Variants in TTC7B observed in about 807,000 individuals in gnomAD.
TTC7B encodes the protein tetratricopeptide repeat protein 7B.
In TTC7B, 28 loss-of-function variants were observed where a neutral mutation model predicts 106.8. That is an observed-to-expected ratio of 0.26 (90% CI 0.19 to 0.36). The LOEUF is 0.36. Among genes scored for constraint, TTC7B ranks in the 10% least tolerant of loss-of-function variants. The pLI, the probability that TTC7B is intolerant of heterozygous loss-of-function variation, is 1.00. For missense variants in TTC7B, 862 were observed against 1,076.4 expected, an observed-to-expected ratio of 0.80 and a Z score of 2.79; for synonymous variants, 405 against 430.6, an observed-to-expected ratio of 0.94 and a Z score of 0.74.
intron 15 of TTC7B, among the ~76,000 whole-genome samples, chr14:90,634,673 G>A (rs528622148): frequency 6.6e-6 from 1 of 152,192 alleles, no homozygotes; most frequent in South Asian, 2.1e-4. Context: ...TCGGGCGGTC[G>A]AGGCACAAGA....
At chr14:90,707,496 A>T (rs370747921) in intron 5 of TTC7B, among the ~76,000 whole-genome samples, 2 of 152,280 alleles carry the variant, frequency 1.3e-5, no homozygotes, top group East Asian at 3.8e-4. Context: ...CCAAAAGCCA[A>T]GATGGGCTGA....
chr14:90,631,993 G>T (rs533251902), intron 15 of TTC7B, among the ~76,000 whole-genome samples: 10 of 152,082 alleles, frequency 6.6e-5, no homozygotes, highest in African/African-American at 2.4e-4. Context: ...TTTTGTTAGG[G>T]TTGTGGAAAG....
chr14:90,548,251 G>T (rs1219034337), intron 19 of TTC7B, among the ~76,000 whole-genome samples: 2 of 152,236 alleles, frequency 1.3e-5, no homozygotes, highest in African/African-American at 2.4e-5. Flanking sequence ...CCACTCCAGG[G>T]CCACTGATGG....
At chr14:90,654,697 C>T (rs1207694245) in intron 12 of TTC7B, among the ~76,000 whole-genome samples, 1 of 152,162 alleles carries the variant, frequency 6.6e-6, no homozygotes, top group Non-Finnish European at 1.5e-5. Flanking sequence ...AGGTGCAAGG[C>T]TAGGTGGATG....
chr14:90,544,035 A>AG (rs1347435596), intron 19 of TTC7B, among the ~76,000 whole-genome samples: 8 of 152,222 alleles, frequency 5.3e-5, no homozygotes, highest in African/African-American at 1.9e-4. Flanking sequence ...TTGGGGTGAC[A>AG]GCCAAGGAGA....
At chr14:90,584,075 T>C (rs905328925) in intron 18 of TTC7B, among the ~76,000 whole-genome samples, 8 of 152,154 alleles carry the variant, frequency 5.3e-5, no homozygotes, top group African/African-American at 1.9e-4. Flanking sequence ...CCTGTCACAG[T>C]GAGCCGCAAG....
rs2140000436 is a variant in TTC7B, at chr14:90,742,778, A to T, written c.576+2014T>A. Among the ~76,000 whole-genome samples the T allele has an allele frequency of 6.6e-6, 1 of 152,356 alleles. No homozygotes were observed. The highest frequency in any genetic ancestry group is 1.9e-4 in the East Asian group (1 of 5,188). The stretch of plus-strand genomic sequence containing the variant: ...TGATGTTCCTGCTGAAGAACCCAGC[A>T]CTGAATGGGGTGTTGTGAGTGAACA... On this transcript the variant is annotated intron_variant, in intron 4 of 19. Coordinates refer to ENST00000328459, the MANE Select transcript of TTC7B (RefSeq NM_001010854.2). This position sits in a 1 kb window ranked among gnomAD's most constrained non-coding sequence, Gnocchi z 4.1.
At chr14:90,717,256 G>A (rs1016232697) in intron 5 of TTC7B, among the ~76,000 whole-genome samples, 3 of 151,538 alleles carry the variant, frequency 2.0e-5, no homozygotes, top group Admixed American at 2.0e-4. Flanking sequence ...GGAGAATGGC[G>A]TGAACCCGGG....
At chr14:90,555,019 G>A (rs1046937372) in intron 19 of TTC7B, among the ~76,000 whole-genome samples, 5 of 152,214 alleles carry the variant, frequency 3.3e-5, no homozygotes, top group Non-Finnish European at 7.3e-5. Flanking sequence ...CAGGTCAGGA[G>A]AAGGAGGGCA....
chr14:90,780,655 G>A (rs1891187943), intron 3 of TTC7B, 83 bp downstream of exon 3: 5 of 1,495,740 alleles, frequency 3.3e-6, no homozygotes, highest in Non-Finnish European at 4.5e-6. Flanking sequence ...ACCAGCCAAG[G>A]GCCAAGGGTC....
chr14:90,579,732 G>T (rs984823708), intron 18 of TTC7B, among the ~76,000 whole-genome samples: 1 of 152,230 alleles, frequency 6.6e-6, no homozygotes, highest in Non-Finnish European at 1.5e-5. Flanking sequence ...CTGGGAGGTG[G>T]AGGTTGCAGT....
At position 90,680,427 on chromosome 14, in the gene TTC7B, T is replaced by C. The variant is rs771613193; in HGVS notation, c.1014+45A>G. The stretch of plus-strand genomic sequence containing the variant: ...AGAATGGCTATATCAAAAAAGGGTC[T>C]ACAGGGCCAGGGGAAAGAACGATGT... On this transcript the variant is annotated intron_variant, in intron 8 of 19. Coordinates refer to ENST00000328459, the MANE Select transcript of TTC7B (RefSeq NM_001010854.2). The C allele has an allele frequency of 2.6e-6, 4 of 1,512,262 alleles. No homozygotes were observed. The African/African-American group carries it at 5.5e-5, about 21-fold the overall frequency. 93.7% of individuals were successfully genotyped at this position (1,512,262 alleles called of 1,614,324 possible).
chr14:90,561,946 C>T lies in TTC7B; in HGVS notation c.2310+16160G>A, dbSNP rs576949895. Among the ~76,000 whole-genome samples the T allele has an allele frequency of 7.2e-5, 11 of 152,338 alleles. No homozygotes were observed. In the South Asian group the frequency reaches 2.1e-3, roughly 29 times the overall value. On this transcript the variant is annotated intron_variant, in intron 19 of 19. Transcript: ENST00000328459. The stretch of plus-strand genomic sequence containing the variant: ...TCAGAACCTACCTGTCCTCAGGAGC[C>T]TCATTTCCCTCCTGCTCCCCAAACG...
chr14:90,629,120 A>C (rs565993169), intron 15 of TTC7B, among the ~76,000 whole-genome samples: 38 of 152,384 alleles, frequency 2.5e-4, no homozygotes, highest in African/African-American at 9.1e-4. Context: ...AGGACAGTGA[A>C]TCTGATCATC....
intron 3 of TTC7B, among the ~76,000 whole-genome samples, chr14:90,771,777 A>C (rs1890871808): frequency 6.6e-6 from 1 of 151,566 alleles, no homozygotes; most frequent in African/African-American, 2.4e-5. Context: ...TAGTAAATAC[A>C]TATAATGCGT....
chr14:90,597,683 C>CA (rs943420414), intron 17 of TTC7B, among the ~76,000 whole-genome samples: 16 of 150,776 alleles, frequency 1.1e-4, no homozygotes, highest in South Asian at 2.1e-4. Context: ...ACAACAACAA[C>CA]AAAAAAAACC....
chr14:90,631,839 G>C (rs1884718962), intron 15 of TTC7B, among the ~76,000 whole-genome samples: 1 of 152,130 alleles, frequency 6.6e-6, no homozygotes, highest in East Asian at 1.9e-4. Context: ...TCTCATTGTG[G>C]TTTTGATTTG....
chr14:90,695,509 G>A lies in TTC7B; in HGVS notation c.768C>T (p.Asn256=), dbSNP rs1167382395. 1 of 1,594,466 alleles carries A rather than the reference G, an allele frequency of 6.3e-7. No individual in the cohort carries two copies. The highest frequency in any genetic ancestry group is 2.3e-5 in the East Asian group (1 of 43,826). The change falls in exon 6 of 20, where the codon AAC becomes AAT. Residue 256 remains asparagine, a synonymous_variant. Coordinates refer to ENST00000328459, the MANE Select transcript of TTC7B (RefSeq NM_001010854.2). ...LRAVETRTTQ[N]LRMTIARQLA... is the part of the protein sequence containing the mutation. ...CACTGTTCACACTTACCATTCGCAG[G>A]TTTTGAGTCGTTCTTGTTTCAACTG...
Position 90,633,670 on chromosome 14 carries a change from A to G in TTC7B, c.1751+10378T>C, listed in dbSNP as rs145963476. ...TGGGAGAGACAATTATGTACTCCAAATATCACCTGTTACCTTCTACCTTTT... is the reference window on the plus strand; with the variant it reads ...TGGGAGAGACAATTATGTACTCCAAGTATCACCTGTTACCTTCTACCTTTT... On this transcript the variant is annotated intron_variant, in intron 15 of 19. Transcript: ENST00000328459. 7.2e-4 allele frequency among the ~76,000 whole-genome samples: 110 copies of G among 152,312 alleles called. 1 individual carries two copies. The highest frequency in any genetic ancestry group is 6.3e-4 in the Non-Finnish European group (43 of 68,018).
Sources: gnomAD v4.1 joint callset for allele counts (sites outside exome capture counted in the v4.1 genomes callset) on GRCh38, gnomAD v4.1.1 for gene constraint, Gnocchi (gnomAD v3.1) non-coding constraint, MANE v1.5 for transcripts, NCBI Gene and HGNC (gene_info 2026-07-23, HGNC 2026-07-21) for gene names.